KLHL2: variants seen among roughly 807,000 people sequenced by gnomAD.
The protein encoded by KLHL2 is kelch-like protein 2.
A neutral mutation model predicts 75.8 loss-of-function variants in KLHL2; 15 were observed. The ratio of observed to expected loss-of-function variants is 0.20; its 90% CI spans 0.13 to 0.30. KLHL2 has a LOEUF of 0.30. Ranked by LOEUF, KLHL2 falls within the 10% of genes least tolerant of loss-of-function variation. KLHL2 has a pLI of 1.00. For synonymous variants in KLHL2, 214 were observed against 251.9 expected (o/e 0.85, Z 1.42); for missense variants, 381 against 741.0 (o/e 0.51, Z 5.64).
In KLHL2 at chr4:165,235,534, C is replaced by T. The variant is rs542866461; in HGVS notation, c.260-3244C>T. ...ACATTTTAAATTGGCACTTGCTTTA[C>T]TTTTTATTCATCTAGTCATTTACTT... On this transcript the variant is annotated intron_variant, in intron 3 of 14. Coordinates refer to ENST00000226725, the MANE Select transcript of KLHL2 (RefSeq NM_007246.4). 3.3e-5 allele frequency among the ~76,000 whole-genome samples: 5 copies of T among 152,350 alleles called. No homozygotes were observed. In the South Asian group the frequency reaches 6.2e-4, roughly 19 times the overall value.
intron 5 of KLHL2, among the ~76,000 whole-genome samples, chr4:165,276,264 T>TC (rs1743088207): frequency 6.6e-6 from 1 of 152,218 alleles, no homozygotes; most frequent in African/African-American, 2.4e-5. Flanking sequence ...CCAGGCCTGT[T>TC]CAGGCACCCC....
intron 5 of KLHL2, among the ~76,000 whole-genome samples, chr4:165,293,436 A>T (rs965633188): frequency 6.6e-6 from 1 of 152,076 alleles, no homozygotes; most frequent in African/African-American, 2.4e-5. Context: ...CTGGAATTTG[A>T]TCCGAAATAA....
chr4:165,321,344 C>G (rs538877020), intron 14 of KLHL2: 2 of 455,692 alleles, frequency 4.4e-6, no homozygotes, highest in African/African-American at 2.0e-5. Flanking sequence ...GGATGAAGAC[C>G]TTGATGATGA....
chr4:165,280,496 T>C (rs765783856), intron 5 of KLHL2, among the ~76,000 whole-genome samples: 11 of 152,106 alleles, frequency 7.2e-5, no homozygotes, highest in South Asian at 2.1e-4. Flanking sequence ...GTTGAGTGAG[T>C]GGTTTTAATA....
rs749774141 is a variant in KLHL2, at chr4:165,279,664, G to A, written c.545-14695G>A. The A allele has an allele frequency of 7.5e-6, 12 of 1,605,722 alleles. No individual in the cohort carries two copies. The East Asian group carries it at 2.5e-4, about 33-fold the overall frequency. On this transcript the variant is annotated intron_variant, in intron 5 of 14. Transcript: ENST00000226725. ...CTGCCATGAAACCAGCTTCAGGTCC[G>A]CCCGCGTTTGCGGCCGGTTTCCTGG...
intron 4 of KLHL2, among the ~76,000 whole-genome samples, chr4:165,260,799 A>G (rs973220695): frequency 6.6e-6 from 1 of 152,188 alleles, no homozygotes; most frequent in African/African-American, 2.4e-5. Flanking sequence ...TATCTTGTGC[A>G]TGTGAGATTT....
rs752571982 is a variant in KLHL2 at position 165,263,274 on chromosome 4, T to C, written c.459T>C (p.Leu153=). ...KTCCEFLESQ[L]HPVNCLGIRA... ...GTTGTGAATTTTTGGAATCCCAGCT[T>C]CACCCTGTCAACTGCTTAGGAATCC... The change falls in exon 5 of 15, where the codon CTT becomes CTC. Residue 153 remains leucine (L), a synonymous_variant. Coordinates refer to ENST00000226725, the MANE Select transcript of KLHL2 (RefSeq NM_007246.4). 4 of 1,614,092 alleles carry C rather than the reference T, an allele frequency of 2.5e-6. No individual in the cohort carries two copies. Among genetic ancestry groups the C allele is most frequent in the Non-Finnish European group, 3.4e-6 (4 of 1,179,982 alleles).
intron 4 of KLHL2, among the ~76,000 whole-genome samples, chr4:165,245,207 C>T (rs926411099): frequency 3.9e-5 from 6 of 151,904 alleles, no homozygotes; most frequent in Non-Finnish European, 8.8e-5. Context: ...GATTTCATCT[C>T]AAAATAACAA....
In KLHL2 at chr4:165,300,985, T is replaced by G. The variant is rs546845633; in HGVS notation, c.921+1329T>G. ...TTTTGCCTATTACTAACAACAGTTCTCAATTTATAACTAACTGCAGATTTG... is the reference window on the plus strand; with the variant it reads ...TTTTGCCTATTACTAACAACAGTTCGCAATTTATAACTAACTGCAGATTTG... On this transcript the variant is annotated intron_variant, in intron 8 of 14. Coordinates refer to ENST00000226725, the MANE Select transcript of KLHL2 (RefSeq NM_007246.4). 3.9e-5 allele frequency among the ~76,000 whole-genome samples: 6 copies of G among 152,330 alleles called. No homozygotes were observed. The South Asian group carries it at 1.2e-3, about 32-fold the overall frequency.
chr4:165,295,287 C>G (rs550601267), intron 6 of KLHL2, among the ~76,000 whole-genome samples: 1 of 152,266 alleles, frequency 6.6e-6, no homozygotes, highest in African/African-American at 2.4e-5. Flanking sequence ...AATTCTGATT[C>G]TCTTTCTCAA....
In KLHL2 at chr4:165,319,859, G is replaced by A. The variant is rs573305247; in HGVS notation, c.1753+1890G>A. ...GGTTTTTGGTGGGTGCAGGATTGCTGTAAGAAAGGCATACCTGTCAACTCT... is the reference window on the plus strand; with the variant it reads ...GGTTTTTGGTGGGTGCAGGATTGCTATAAGAAAGGCATACCTGTCAACTCT... On this transcript the variant is annotated intron_variant, in intron 14 of 14. Transcript: ENST00000226725. The surrounding 1 kb of genome is among the most constrained non-coding windows in gnomAD (Gnocchi z 4.5). 2.2e-4 allele frequency among the ~76,000 whole-genome samples: 33 copies of A among 152,128 alleles called. No individual in the cohort carries two copies. Among genetic ancestry groups the A allele is most frequent in the Admixed American group, 7.2e-4 (11 of 15,250 alleles).
chr4:165,262,621 C>T (rs1210297111), intron 4 of KLHL2, among the ~76,000 whole-genome samples: 1 of 152,144 alleles, frequency 6.6e-6, no homozygotes, highest in East Asian at 1.9e-4. Context: ...CTCTGTCACC[C>T]AGGATGGAGT....
At chr4:165,263,805 G>GTTTTTTTTTTTTT (rs55901119) in intron 5 of KLHL2, among the ~76,000 whole-genome samples, 10 of 66,478 alleles carry the variant, frequency 1.5e-4, no homozygotes, top group Admixed American at 2.3e-4. Context: ...TTTTTACATT[G>GTTTTTTTTTTTTT]TTTTTTTTTT....
intron 6 of KLHL2, 145 bp from the exon 7 acceptor site, chr4:165,297,464 G>A: frequency 1.7e-6 from 1 of 586,074 alleles, no homozygotes; most frequent in Non-Finnish European, 3.1e-6. Context: ...TACATTGCAA[G>A]TCAGGATTTT....
intron 4 of KLHL2, among the ~76,000 whole-genome samples, chr4:165,253,024 TA>T (rs1356792019): frequency 1.3e-5 from 2 of 152,186 alleles, no homozygotes; most frequent in Non-Finnish European, 2.9e-5. Context: ...CATCCTCCTG[TA>T]TACTTTTTTA....
intron 9 of KLHL2, among the ~76,000 whole-genome samples, chr4:165,308,565 G>C (rs1346954167): frequency 6.6e-6 from 1 of 152,136 alleles, no homozygotes; most frequent in Non-Finnish European, 1.5e-5. Flanking sequence ...TCCAGACCCA[G>C]AGCCTTTGGT....
At chr4:165,314,574 A>C (rs1322693372) in intron 13 of KLHL2, among the ~76,000 whole-genome samples, 1 of 152,202 alleles carries the variant, frequency 6.6e-6, no homozygotes, top group Non-Finnish European at 1.5e-5. Context: ...CTAGTTGAGT[A>C]GATATTTATA....
chr4:165,285,075 G>C (rs1378675691), intron 5 of KLHL2, among the ~76,000 whole-genome samples: 1 of 152,158 alleles, frequency 6.6e-6, no homozygotes, highest in Non-Finnish European at 1.5e-5. Flanking sequence ...ATTTGGATGG[G>C]GACACAGAGC....
At chr4:165,247,712 T>C (rs935869803) in intron 4 of KLHL2, among the ~76,000 whole-genome samples, 1 of 152,150 alleles carries the variant, frequency 6.6e-6, no homozygotes, top group African/African-American at 2.4e-5. Flanking sequence ...TTGCATATAA[T>C]TATAAAGGCT....
Sources: allele counts gnomAD v4.1 joint callset (sites outside exome capture counted in the v4.1 genomes callset), GRCh38; gene constraint gnomAD v4.1.1; non-coding constraint Gnocchi (gnomAD v3.1); transcripts MANE v1.5; gene names NCBI Gene and HGNC (gene_info 2026-07-23, HGNC 2026-07-21).